Variants in SLC10A1 observed in about 807,000 individuals in gnomAD.
SLC10A1 encodes solute carrier family 10 member 1.
SLC10A1 carries 36 observed loss-of-function variants against 20.5 expected under a neutral mutation model. The ratio of observed to expected loss-of-function variants is 1.75; its 90% CI spans 1.34 to 2.32. The LOEUF is 2.32. Ranked by LOEUF, SLC10A1 falls within the 30% of genes most tolerant of loss-of-function variation. The pLI is 0.00. For missense variants in SLC10A1, 545 were observed against 439.1 expected (o/e 1.24, Z -2.16); for synonymous variants, 188 against 163.6 (o/e 1.15, Z -1.14).
Position 69,796,948 on chromosome 14 carries a change from C to T in SLC10A1, c.208G>A (p.Gly70Ser). The T allele has an allele frequency of 6.2e-7, 1 of 1,614,218 alleles. No individual in the cohort carries two copies. Among genetic ancestry groups the T allele is most frequent in the Non-Finnish European group, 8.5e-7 (1 of 1,180,014 alleles). Residue 70 changes from glycine (G) to serine (S), a missense_variant, in exon 1 of 5, where the codon GGC becomes AGC. By Grantham distance (56) the Gly-to-Ser change is moderately conservative. Coordinates refer to ENST00000216540, the MANE Select transcript of SLC10A1 (RefSeq NM_003049.4). ...GLAIALVAQY[G>S]IMPLTAFVLG... is the part of the protein sequence containing the mutation. ...ACAAAGGCCGTGAGGGGCATGATGC[C>T]ATACTGTGCCACCAGGGCGATGGCC...
rs201782613 is a variant in SLC10A1 at position 69,796,984 on chromosome 14, G to C, written c.172C>G (p.Pro58Ala). 5 of 1,614,236 alleles carry C rather than the reference G, an allele frequency of 3.1e-6. No homozygotes were observed. Among genetic ancestry groups the C allele is most frequent in the Non-Finnish European group, 4.2e-6 (5 of 1,180,040 alleles). Residue 58 changes from proline to alanine, a missense_variant, in exon 1 of 5, where the codon CCT becomes GCT. Pro to Ala is a conservative substitution (Grantham distance 27, BLOSUM62 -1). Transcript: ENST00000216540. Reference protein sequence around the residue: ...FSKIKAHLWKPKGLAIALVAQ... With the variant: ...FSKIKAHLWKAKGLAIALVAQ... ...ACCAGGGCGATGGCCAGCCCTTTAG[G>C]CTTCCATAAGTGAGCCTTGATCTTG...
In SLC10A1 at chr14:69,779,163, A is replaced by T. The variant is rs1185712367; in HGVS notation, c.746+19T>A. 1 of 1,499,842 alleles carries T rather than the reference A, an allele frequency of 6.7e-7. No individual in the cohort carries two copies. Among genetic ancestry groups the T allele is most frequent in the African/African-American group, 1.4e-5 (1 of 70,930 alleles). The allele number at this position is 1,499,842 out of a possible 1,614,324, so 92.9% of individuals were successfully genotyped here. ...GCAACAGAGTGAGACCCTTTCTTAAAAAAAAAAAAAATACCTACCGTCCAT... is the reference window on the plus strand; with the variant it reads ...GCAACAGAGTGAGACCCTTTCTTAATAAAAAAAAAAATACCTACCGTCCAT... On this transcript the variant is annotated intron_variant, in intron 3 of 4. Coordinates refer to ENST00000216540, the MANE Select transcript of SLC10A1 (RefSeq NM_003049.4).
intron 1 of SLC10A1, among the ~76,000 whole-genome samples, chr14:69,786,549 A>G (rs1334259290): frequency 6.6e-6 from 1 of 152,182 alleles, no homozygotes; most frequent in Non-Finnish European, 1.5e-5. Context: ...CAGCATTTGA[A>G]CTTAGGGTGG....
intron 3 of SLC10A1, 126 bp downstream of exon 3, chr14:69,779,053 TGGG>T (rs530407132): frequency 5.2e-5 from 34 of 656,724 alleles, no homozygotes; most frequent in Admixed American, 4.3e-4. Context: ...CCCAGTTACT[TGGG>T]GGGCTGAGGC....
intron 1 of SLC10A1, among the ~76,000 whole-genome samples, chr14:69,795,770 G>T (rs904261785): frequency 2.0e-5 from 3 of 151,996 alleles, no homozygotes; most frequent in African/African-American, 7.3e-5. Flanking sequence ...TCACTAGGAG[G>T]GGCTTCTTGA....
In SLC10A1 at chr14:69,789,978, G is replaced by C. The variant is rs1209098350; in HGVS notation, c.357-3671C>G. On this transcript the variant is annotated intron_variant, in intron 1 of 4. Coordinates refer to ENST00000216540, the MANE Select transcript of SLC10A1 (RefSeq NM_003049.4). Reference sequence around the variant, plus strand: ...TAGGCACCTCTGGCAAGGCAGACCAGGGAAAAGAGAGATGGCACAAATTGA... The same window carrying C: ...TAGGCACCTCTGGCAAGGCAGACCACGGAAAAGAGAGATGGCACAAATTGA... 2.0e-5 allele frequency among the ~76,000 whole-genome samples: 3 copies of C among 149,598 alleles called. 1 individual carries two copies. In the Middle Eastern group the frequency reaches 0.011, roughly 527 times the overall value.
chr14:69,778,443 A>T lies in SLC10A1; in HGVS notation c.833T>A (p.Val278Asp). The change falls in exon 4 of 5, where the codon GTC becomes GAC. Residue 278 changes from valine to aspartate, a missense_variant. Physicochemically the swap from Val to Asp is radical, Grantham distance 152 (BLOSUM62 -3). Coordinates refer to ENST00000216540, the MANE Select transcript of SLC10A1 (RefSeq NM_003049.4). Reference sequence around the variant, plus strand: ...GGGAAAGAAGAAAAGTGGTCCAATGACTTCAGGTGGAAAGGCCACATTGAG... The same window carrying T: ...GGGAAAGAAGAAAAGTGGTCCAATGTCTTCAGGTGGAAAGGCCACATTGAG... ...TILNVAFPPE[V>D]IGPLFFFPLL... 1.9e-6 allele frequency: 3 copies of T among 1,614,070 alleles called. No homozygotes were observed. Among genetic ancestry groups the T allele is most frequent in the Non-Finnish European group, 2.5e-6 (3 of 1,179,986 alleles).
Position 69,797,043 on chromosome 14 carries a change from A to G in SLC10A1, c.113T>C (p.Ile38Thr), listed in dbSNP as rs755782102. The G allele has an allele frequency of 2.5e-6, 4 of 1,614,180 alleles. No individual in the cohort carries two copies. In the East Asian group the frequency reaches 8.9e-5, roughly 36 times the overall value. ...CATGGTGCAGCCCAGCGAGAGCATG[A>G]TGAAGAACAACATGAACACCAGGAT... is the stretch of plus-strand genomic sequence containing the variant. ...SVILVFMLFF[I>T]MLSLGCTMEF... Residue 38 changes from isoleucine to threonine, a missense_variant, in exon 1 of 5, where the codon ATC becomes ACC. Physicochemically the swap from Ile to Thr is moderately conservative, Grantham distance 89. Coordinates refer to ENST00000216540, the MANE Select transcript of SLC10A1 (RefSeq NM_003049.4).
At chr14:69,779,091 G>T in intron 3 of SLC10A1, 91 bp downstream of exon 3, 1 of 957,720 alleles carries the variant, frequency 1.0e-6, no homozygotes, top group Non-Finnish European at 1.5e-6. Flanking sequence ...AACCCTGGAG[G>T]TTGAGGCTGC....
chr14:69,794,116 A>G (rs1458293664), intron 1 of SLC10A1, among the ~76,000 whole-genome samples: 1 of 152,186 alleles, frequency 6.6e-6, no homozygotes, highest in African/African-American at 2.4e-5. Flanking sequence ...GTGTCTTACA[A>G]TTCCTTCCAG....
intron 1 of SLC10A1, among the ~76,000 whole-genome samples, chr14:69,795,400 CTTT>C (rs140035207): frequency 7.8e-5 from 10 of 128,818 alleles, no homozygotes; most frequent in Admixed American, 8.1e-5. Context: ...TTTTTATTTC[CTTT>C]TTTTTTTTTT....
At chr14:69,786,836 T>A (rs1883727578) in intron 1 of SLC10A1, among the ~76,000 whole-genome samples, 1 of 152,228 alleles carries the variant, frequency 6.6e-6, no homozygotes, top group South Asian at 2.1e-4. Context: ...TATCAGCACA[T>A]TTTACCTCGT....
chr14:69,793,401 G>A (rs1468397785), intron 1 of SLC10A1, among the ~76,000 whole-genome samples: 3 of 152,080 alleles, frequency 2.0e-5, no homozygotes, highest in African/African-American at 7.3e-5. Flanking sequence ...TTGCCTTTCA[G>A]GGGGAAAGGG....
Position 69,797,112 on chromosome 14 carries a change from G to A in SLC10A1, c.44C>T (p.Pro15Leu), listed in dbSNP as rs200052753. The change falls in exon 1 of 5, where the codon CCA becomes CTA. Residue 15 changes from proline to leucine, a missense_variant. Physicochemically the swap from Pro to Leu is moderately conservative, Grantham distance 98. Transcript: ENST00000216540. ...TGTGGGGCGCTTGCCAAAGTTGGGT[G>A]GCAGGGTGAAGTTGAATGGGGCAGA... ...NASAPFNFTL[P>L]PNFGKRPTDL... The A allele has an allele frequency of 8.1e-6, 13 of 1,614,004 alleles. No individual in the cohort carries two copies. Among genetic ancestry groups the A allele is most frequent in the Non-Finnish European group, 1.1e-5 (13 of 1,179,994 alleles).
chr14:69,786,833 A>G (rs1167435000), intron 1 of SLC10A1, among the ~76,000 whole-genome samples: 1 of 152,248 alleles, frequency 6.6e-6, no homozygotes, highest in African/African-American at 2.4e-5. Flanking sequence ...CTATATCAGC[A>G]CATTTTACCT....
chr14:69,778,633 C>T (rs770267154), intron 3 of SLC10A1, 104 bp from the exon 4 acceptor site: 10 of 980,330 alleles, frequency 1.0e-5, no homozygotes, highest in Non-Finnish European at 1.5e-5. Flanking sequence ...GGAATCTAGA[C>T]CCTGGACAGG....
At chr14:69,785,591 C>CTTTTTTTTTTTTTTTTTTT (rs541758842) in intron 2 of SLC10A1, among the ~76,000 whole-genome samples, 3 of 130,516 alleles carry the variant, frequency 2.3e-5, no homozygotes, top group Admixed American at 7.7e-5. Flanking sequence ...TCTTTCTTTT[C>CTTTTTTTTTTTTTTTTTTT]TTTTTTTTTT....
Position 69,796,889 on chromosome 14 carries a change from C to T in SLC10A1, c.267G>A (p.Glu89=), listed in dbSNP as rs1882395712. The T allele has an allele frequency of 1.2e-6, 2 of 1,614,248 alleles. No individual in the cohort carries two copies. Among genetic ancestry groups the T allele is most frequent in the East Asian group, 4.5e-5 (2 of 44,894 alleles). ...AGCCACAGACCAAGATGGCCAGTGCCTCAATGTTCTTCAGCCGGAAGACCT... is the reference window on the plus strand; with the variant it reads ...AGCCACAGACCAAGATGGCCAGTGCTTCAATGTTCTTCAGCCGGAAGACCT... ...LGKVFRLKNI[E]ALAILVCGCS... The change falls in exon 1 of 5, where the codon GAG becomes GAA. Residue 89 remains glutamate (E), a synonymous_variant. Coordinates refer to ENST00000216540, the MANE Select transcript of SLC10A1 (RefSeq NM_003049.4).
intron 1 of SLC10A1, among the ~76,000 whole-genome samples, chr14:69,790,525 A>ATTACTATATTAT (rs1206987919): frequency 3.9e-5 from 6 of 152,148 alleles, no homozygotes; most frequent in Admixed American, 3.9e-4. Context: ...ATTAATACAT[A>ATTACTATATTAT]TTACTATATT....
Sources: gnomAD v4.1 joint callset for allele counts (sites outside exome capture counted in the v4.1 genomes callset) on GRCh38, gnomAD v4.1.1 for gene constraint, MANE v1.5 for transcripts, NCBI Gene and HGNC (gene_info 2026-07-23, HGNC 2026-07-21) for gene names.